Variants in SPTSSA observed in about 807,000 individuals in gnomAD.
SPTSSA encodes serine palmitoyltransferase small subunit A, also known as small subunit of serine palmitoyltransferase A.
A neutral mutation model predicts 9.1 loss-of-function variants in SPTSSA; 8 were observed. The ratio of observed to expected loss-of-function variants is 0.88; its 90% confidence interval spans 0.51 to 1.58. The LOEUF (loss-of-function observed/expected upper bound fraction) is 1.58, where lower values mean the gene tolerates loss of function less well. SPTSSA is among the 40% of genes most tolerant of loss of function. The pLI is 0.00. For synonymous variants in SPTSSA, 42 were observed against 37.7 expected (o/e 1.11, Z -0.41); for missense variants, 100 against 93.8 (o/e 1.07, Z -0.27).
chr14:34,453,344 C>T (rs189409597), intron 1 of SPTSSA, among the ~76,000 whole-genome samples: 116 of 152,336 alleles, frequency 7.6e-4, no homozygotes, highest in Middle Eastern at 3.4e-3. Context: ...ATCAGAAATT[C>T]GCATTTGTAC....
At chr14:34,452,170 C>A (rs1226343621) in intron 1 of SPTSSA, among the ~76,000 whole-genome samples, 1 of 149,622 alleles carries the variant, frequency 6.7e-6, no homozygotes. Context: ...AATTTGAACC[C>A]GGGAGGCGGA....
At chr14:34,450,399 T>C (rs1883498295) in intron 1 of SPTSSA, among the ~76,000 whole-genome samples, 4 of 152,178 alleles carry the variant, frequency 2.6e-5, no homozygotes, top group Non-Finnish European at 5.9e-5. Flanking sequence ...CATAAAGCAA[T>C]CTTCTGTTTC....
chr14:34,447,669 G>A (rs779208114), intron 1 of SPTSSA, among the ~76,000 whole-genome samples: 1 of 152,114 alleles, frequency 6.6e-6, no homozygotes, highest in East Asian at 1.9e-4. Flanking sequence ...CCATTGTTTT[G>A]GACTAAGTTC....
At chr14:34,444,557 T>C (rs1423538129) in intron 1 of SPTSSA, among the ~76,000 whole-genome samples, 1 of 151,932 alleles carries the variant, frequency 6.6e-6, no homozygotes, top group Non-Finnish European at 1.5e-5. Flanking sequence ...TTCAAGACCA[T>C]CCTGGCCAAC....
Position 34,462,176 on chromosome 14 carries a change from T to C in SPTSSA, c.32A>G (p.Lys11Arg). The change falls in exon 1 of 2, where the codon AAG becomes AGG. Residue 11 changes from lysine (K) to arginine (R), a missense_variant. Physicochemically the swap from Lys to Arg is conservative, Grantham distance 26 (BLOSUM62 2). Transcript: ENST00000298130. MAGMALARAW[K>R]QMSWFYYQYL... ...CTGGTAGTAGAACCAGGACATCTGC[T>C]TCCAGGCCCGCGCCAGCGCCATCCC... The C allele has an allele frequency of 6.5e-7, 1 of 1,531,630 alleles. No individual in the cohort carries two copies. The highest frequency in any genetic ancestry group is 1.2e-5 in the South Asian group (1 of 86,618). The allele number at this position is 1,531,630 out of a possible 1,614,324, so 94.9% of individuals were successfully genotyped here.
chr14:34,455,412 T>A (rs1354759094), intron 1 of SPTSSA, among the ~76,000 whole-genome samples: 1 of 151,930 alleles, frequency 6.6e-6, no homozygotes, highest in Non-Finnish European at 1.5e-5. Flanking sequence ...AGGAGTATAT[T>A]TTTTATATAT....
chr14:34,461,302 A>G (rs1163131270), intron 1 of SPTSSA, among the ~76,000 whole-genome samples: 3 of 152,198 alleles, frequency 2.0e-5, no homozygotes, highest in Admixed American at 2.0e-4. Flanking sequence ...TATCTTCACA[A>G]CCCTGAGTTA....
chr14:34,451,098 A>G (rs1354336694), intron 1 of SPTSSA, among the ~76,000 whole-genome samples: 1 of 152,022 alleles, frequency 6.6e-6, no homozygotes, highest in Non-Finnish European at 1.5e-5. Context: ...AAGAGAGGAA[A>G]TGCTTTACAT....
At chr14:34,439,088 C>T (rs745488368) in intron 1 of SPTSSA, among the ~76,000 whole-genome samples, 1 of 152,070 alleles carries the variant, frequency 6.6e-6, no homozygotes, top group Non-Finnish European at 1.5e-5. Context: ...GGGAAATAAG[C>T]TAAGTAGGGA....
chr14:34,459,666 G>A lies in SPTSSA; in HGVS notation c.112+2430C>T, dbSNP rs111344978. 6.4e-3 allele frequency among the ~76,000 whole-genome samples: 965 copies of A among 151,566 alleles called. 4 individuals carry two copies. Among genetic ancestry groups the A allele is most frequent in the Middle Eastern group, 0.021 (6 of 292 alleles). On this transcript the variant is annotated intron_variant, in intron 1 of 1. Transcript: ENST00000298130. ...CGTGGTGGCAGGCACCTGTAATCCC[G>A]GCTATTCTGGAGGCTGAGGCAGGAG... is the stretch of plus-strand genomic sequence containing the variant.
chr14:34,447,608 AG>A (rs753256079), intron 1 of SPTSSA, among the ~76,000 whole-genome samples: 4 of 152,134 alleles, frequency 2.6e-5, no homozygotes, highest in Non-Finnish European at 5.9e-5. Flanking sequence ...CTCTCACCTA[AG>A]TAAGAACCTG....
rs1344337582 is a variant in SPTSSA at position 34,435,079 on chromosome 14, T to C, written c.*122A>G. The stretch of plus-strand genomic sequence containing the variant: ...ATTTTCCTGTTCTACTCATGAATTT[T>C]AGTCTTTATAAGGTTGGTTATGTTG... On this transcript the variant is annotated 3_prime_UTR_variant, in exon 2 of 2. Transcript: ENST00000298130. 3 of 586,180 alleles carry C rather than the reference T, an allele frequency of 5.1e-6. No homozygotes were observed. Among genetic ancestry groups the C allele is most frequent in the African/African-American group, 3.8e-5 (2 of 53,088 alleles). 36.3% of individuals were successfully genotyped at this position (586,180 alleles called of 1,614,324 possible). A position where few individuals can be genotyped will look rare whatever the true frequency, so the allele number is the denominator to read the frequency against.
At position 34,443,244 on chromosome 14, in the gene SPTSSA, G is replaced by A. The variant is rs1883358750; in HGVS notation, c.113-7940C>T. 4.5e-5 allele frequency among the ~76,000 whole-genome samples: 3 copies of A among 67,224 alleles called. 1 individual carries two copies. In the Admixed American group the frequency reaches 5.0e-4, roughly 11 times the overall value. 44.1% of individuals were successfully genotyped at this position (67,224 alleles called of 152,430 possible). A position where few individuals can be genotyped will look rare whatever the true frequency, so the allele number is the denominator to read the frequency against. On this transcript the variant is annotated intron_variant, in intron 1 of 1. Transcript: ENST00000298130. ...GTGTGTGTGTGTGTGTGTGTTTTGAGATGGAGTTTTCCTCTCATTACCCAG... is the reference window on the plus strand; with the variant it reads ...GTGTGTGTGTGTGTGTGTGTTTTGAAATGGAGTTTTCCTCTCATTACCCAG...
chr14:34,448,327 G>T (rs1232315971), intron 1 of SPTSSA, among the ~76,000 whole-genome samples: 1 of 152,050 alleles, frequency 6.6e-6, no homozygotes, highest in Admixed American at 6.6e-5. Flanking sequence ...AATAGGTAGG[G>T]ACTAGGCCTC....
intron 1 of SPTSSA, among the ~76,000 whole-genome samples, chr14:34,436,669 C>G (rs1229478306): frequency 6.6e-6 from 1 of 152,008 alleles, no homozygotes; most frequent in African/African-American, 2.4e-5. Flanking sequence ...CTTACTTAAC[C>G]CTTATAGCTT....
At chr14:34,442,375 T>C (rs1454977684) in intron 1 of SPTSSA, among the ~76,000 whole-genome samples, 1 of 152,230 alleles carries the variant, frequency 6.6e-6, no homozygotes, top group Non-Finnish European at 1.5e-5. Flanking sequence ...CATTACAGTT[T>C]ATGGCTATTC....
At chr14:34,443,197 GGGTGTGTGTGTGT>G (rs1471739636) in intron 1 of SPTSSA, among the ~76,000 whole-genome samples, 218 of 17,960 alleles carry the variant, frequency 0.012, 31 homozygotes, top group African/African-American at 0.041. Flanking sequence ...TTCCTCTAGG[GGGTGTGTGTGTGT>G]GTGTGTGTGT....
At chr14:34,450,664 A>G (rs79557203) in intron 1 of SPTSSA, among the ~76,000 whole-genome samples, 1,661 of 152,292 alleles carry the variant, frequency 0.011, 33 homozygotes, top group African/African-American at 0.038. Flanking sequence ...TTGTGTTTAT[A>G]ACTTGTCTCT....
chr14:34,439,080 G>T (rs1415311275), intron 1 of SPTSSA, among the ~76,000 whole-genome samples: 5 of 152,138 alleles, frequency 3.3e-5, no homozygotes, highest in Non-Finnish European at 7.4e-5. Flanking sequence ...TAGAGCAGGG[G>T]AAATAAGCTA....
Sources: gnomAD v4.1 joint callset for allele counts (sites outside exome capture counted in the v4.1 genomes callset) on GRCh38, gnomAD v4.1.1 for gene constraint, MANE v1.5 for transcripts, NCBI Gene and HGNC (gene_info 2026-07-23, HGNC 2026-07-21) for gene names.